MACF1: variants seen among roughly 807,000 people sequenced by gnomAD.
The protein encoded by MACF1 is microtubule actin crosslinking factor 1, also known as microtubule-actin cross-linking factor 1.
A neutral mutation model predicts 854.8 loss-of-function variants in MACF1; 193 were observed. The ratio of observed to expected loss-of-function variants is 0.23; its 90% CI spans 0.20 to 0.25. The LOEUF (loss-of-function observed/expected upper bound fraction) is 0.25. MACF1 is among the 10% of genes least tolerant of loss of function. MACF1 has a pLI of 1.00. For synonymous variants in MACF1, 3,185 were observed against 3,226.7 expected (o/e 0.99, Z 0.44); for missense variants, 7,722 against 8,929.1 (o/e 0.86, Z 5.45).
At chr1:39,140,842 G>A (rs1398088587) in intron 2 of MACF1, among the ~76,000 whole-genome samples, 1 of 147,226 alleles carries the variant, frequency 6.8e-6, no homozygotes, top group African/African-American at 2.6e-5. Flanking sequence ...TTGAACCCAG[G>A]AGGCGGAGGT....
At chr1:39,475,761 T>A (rs59443975) in intron 97 of MACF1, among the ~76,000 whole-genome samples, 2 of 152,250 alleles carry the variant, frequency 1.3e-5, no homozygotes, top group East Asian at 3.9e-4. Flanking sequence ...GGATATAACT[T>A]CTGGCATCCA....
At chr1:39,093,009 C>T (rs1268931982) in intron 2 of MACF1, among the ~76,000 whole-genome samples, 1 of 152,102 alleles carries the variant, frequency 6.6e-6, no homozygotes, top group Non-Finnish European at 1.5e-5. Context: ...TGGCCTTGAA[C>T]TCCTGACCTC....
intron 53 of MACF1, 32 bp downstream of exon 53, chr1:39,378,555 T>A (rs781515566): frequency 3.1e-6 from 5 of 1,596,820 alleles, no homozygotes; most frequent in Non-Finnish European, 3.4e-6. Context: ...TGCTTCTTTG[T>A]TGGATGTGTT....
chr1:39,152,601 C>T (rs757886570), intron 2 of MACF1, among the ~76,000 whole-genome samples: 5 of 152,132 alleles, frequency 3.3e-5, no homozygotes, highest in African/African-American at 9.7e-5. Flanking sequence ...TTATCTTAGA[C>T]GTCACAGTAA....
intron 2 of MACF1, among the ~76,000 whole-genome samples, chr1:39,192,124 C>T (rs1276521894): frequency 6.6e-6 from 1 of 152,090 alleles, no homozygotes; most frequent in East Asian, 1.9e-4. Flanking sequence ...GCACTCCAGC[C>T]TGGGCGACAC....
At chr1:39,414,251 TG>T in intron 58 of MACF1, 1 of 1,614,050 alleles carries the variant, frequency 6.2e-7, no homozygotes, top group Non-Finnish European at 8.5e-7. Flanking sequence ...GTGCCTCCTA[TG>T]GAGGAAGTTT....
intron 31 of MACF1, among the ~76,000 whole-genome samples, chr1:39,321,318 A>C (rs1024922532): frequency 1.3e-5 from 2 of 152,248 alleles, no homozygotes. Context: ...AGATTAAATG[A>C]GATAATGTAT....
chr1:39,416,349 A>G (rs986773910), intron 58 of MACF1, among the ~76,000 whole-genome samples: 2 of 152,074 alleles, frequency 1.3e-5, no homozygotes, highest in African/African-American at 4.8e-5. Flanking sequence ...ATTCTTGATA[A>G]TACAGAATAT....
intron 1 of MACF1, among the ~76,000 whole-genome samples, chr1:39,211,205 T>TC (rs1644511287): frequency 6.6e-6 from 1 of 152,078 alleles, no homozygotes; most frequent in Non-Finnish European, 1.5e-5. Context: ...TGACCTCAAG[T>TC]GATCCGTCCA....
chr1:39,210,087 C>G (rs1471713188), intron 1 of MACF1, among the ~76,000 whole-genome samples: 1 of 149,158 alleles, frequency 6.7e-6, no homozygotes, highest in Middle Eastern at 3.4e-3. Context: ...GAGACTCCAT[C>G]TCAGGAGAAA....
intron 6 of MACF1, among the ~76,000 whole-genome samples, chr1:39,260,011 G>T (rs1301120082): frequency 6.6e-6 from 1 of 152,182 alleles, no homozygotes; most frequent in Admixed American, 6.5e-5. Context: ...TTCTCCAAAG[G>T]TGACCAATAA....
In MACF1 at chr1:39,340,658, G is replaced by C. The variant is rs1034212097; in HGVS notation, c.10372G>C (p.Val3458Leu). 5 of 1,614,186 alleles carry C rather than the reference G, an allele frequency of 3.1e-6. No homozygotes were observed. The highest frequency in any genetic ancestry group is 2.5e-6 in the Non-Finnish European group (3 of 1,180,014). Residue 3458 changes from valine to leucine, a missense_variant, in exon 39 of 101, where the codon GTG becomes CTG. Physicochemically the swap from Val to Leu is conservative, Grantham distance 32 (BLOSUM62 1). This residue lies in a region of MACF1 where 854 missense variants were observed against 852.6 expected (regional missense o/e 1.00). Transcript: ENST00000564288. ...AKNLQKSLSS[V>L]SDTWNSRLLH... ...GAATCTTCAGAAGTCTCTCAGCTCT[G>C]TGAGTGACACTTGGAATTCCAGGCT...
intron 38 of MACF1, among the ~76,000 whole-genome samples, chr1:39,338,496 G>A (rs775235530): frequency 2.9e-4 from 44 of 152,068 alleles, no homozygotes; most frequent in Non-Finnish European, 5.7e-4. Context: ...ATATGCAAAC[G>A]GGCTTATAAT....
chr1:39,225,752 G>T (rs1476428899), intron 1 of MACF1, among the ~76,000 whole-genome samples: 2 of 152,074 alleles, frequency 1.3e-5, no homozygotes, highest in Non-Finnish European at 2.9e-5. Flanking sequence ...TCACATAAGG[G>T]TACTTTCTGA....
At chr1:39,253,252 G>A (rs1645062092) in intron 4 of MACF1, among the ~76,000 whole-genome samples, 1 of 152,162 alleles carries the variant, frequency 6.6e-6, no homozygotes, top group African/African-American at 2.4e-5. Flanking sequence ...GTTCTCTCCA[G>A]TGGGTTGTAT....
intron 6 of MACF1, among the ~76,000 whole-genome samples, chr1:39,277,847 C>T (rs1008977296): frequency 1.3e-5 from 2 of 152,154 alleles, no homozygotes; most frequent in Non-Finnish European, 2.9e-5. Flanking sequence ...TTAAGCACAG[C>T]TCCTAGAATA....
chr1:39,085,763 A>G (rs1641658752), intron 2 of MACF1, among the ~76,000 whole-genome samples: 1 of 152,204 alleles, frequency 6.6e-6, no homozygotes, highest in Non-Finnish European at 1.5e-5. Flanking sequence ...TCAAGGCTTC[A>G]GCATAAAGAC....
chr1:39,150,030 CT>C (rs560369211), intron 2 of MACF1, among the ~76,000 whole-genome samples: 104 of 146,362 alleles, frequency 7.1e-4, no homozygotes, highest in Middle Eastern at 3.6e-3. Flanking sequence ...ATATCATGAA[CT>C]TTTTTTTTTT....
intron 99 of MACF1, among the ~76,000 whole-genome samples, chr1:39,482,544 T>A (rs1478203168): frequency 2.6e-5 from 4 of 152,162 alleles, no homozygotes; most frequent in East Asian, 3.9e-4. Context: ...TTTCATTTTT[T>A]AAAAAGCAAA....
Sources: gnomAD v4.1 joint callset for allele counts (sites outside exome capture counted in the v4.1 genomes callset) on GRCh38, gnomAD v4.1.1 for gene constraint, gnomAD v4.1.1 regional missense constraint, MANE v1.5 for transcripts, NCBI Gene and HGNC (gene_info 2026-07-23, HGNC 2026-07-21) for gene names.